PPM1L: variants seen among roughly 807,000 people sequenced by gnomAD.
The protein encoded by PPM1L is protein phosphatase, Mg2+/Mn2+ dependent 1L.
Under a neutral mutation model 31.4 loss-of-function variants are expected in PPM1L, and 13 were observed. The ratio of observed to expected loss-of-function variants is 0.41; its 90% CI spans 0.27 to 0.66. The LOEUF is 0.66. Among genes scored for constraint, PPM1L ranks in the 30% least tolerant of loss-of-function variants. The pLI, the probability that PPM1L is intolerant of heterozygous loss-of-function variation, is 0.29. For synonymous variants in PPM1L, 184 were observed against 175.4 expected, an observed-to-expected ratio of 1.05 and a Z score of -0.39; for missense variants, 326 against 453.7, an observed-to-expected ratio of 0.72 and a Z score of 2.56.
At chr3:160,790,119 G>A (rs752410868) in intron 1 of PPM1L, among the ~76,000 whole-genome samples, 1 of 151,894 alleles carries the variant, frequency 6.6e-6, no homozygotes, top group African/African-American at 2.4e-5. Context: ...AAATATTTTT[G>A]ATCCATGATT....
chr3:161,069,440 T>G lies in PPM1L; in HGVS notation c.*283T>G. ...TGTAGAGTCACATATATGAAGTGAA[T>G]AGCATATGTGTCATTTAGTCTCCCT... On this transcript the variant is annotated 3_prime_UTR_variant, in exon 4 of 4. Coordinates refer to ENST00000498165, the MANE Select transcript of PPM1L (RefSeq NM_139245.4). 1.8e-4 allele frequency: 67 copies of G among 378,834 alleles called. No homozygotes were observed. Among genetic ancestry groups the G allele is most frequent in the Middle Eastern group, 7.7e-4 (1 of 1,304 alleles). 23.5% of individuals were successfully genotyped at this position (378,834 alleles called of 1,614,324 possible).
intron 1 of PPM1L, among the ~76,000 whole-genome samples, chr3:160,821,938 C>A (rs146289852): frequency 2.6e-5 from 4 of 151,812 alleles, no homozygotes; most frequent in African/African-American, 9.7e-5. Flanking sequence ...TATATAATTT[C>A]GTTTAATTAT....
intron 1 of PPM1L, among the ~76,000 whole-genome samples, chr3:160,841,208 C>A (rs1377650871): frequency 6.6e-6 from 1 of 151,830 alleles, no homozygotes; most frequent in East Asian, 1.9e-4. Flanking sequence ...CTCCTGATAG[C>A]TTACTTCTTA....
intron 1 of PPM1L, among the ~76,000 whole-genome samples, chr3:160,793,590 T>C (rs1259984399): frequency 6.6e-6 from 1 of 152,184 alleles, no homozygotes; most frequent in East Asian, 1.9e-4. Context: ...TAAAATAAGC[T>C]CAGTAAAGTG....
intron 1 of PPM1L, among the ~76,000 whole-genome samples, chr3:160,870,965 A>T (rs1368736776): frequency 2.0e-5 from 3 of 152,168 alleles, no homozygotes; most frequent in South Asian, 4.1e-4. Flanking sequence ...TATTGAGCAC[A>T]TCTCTGTAAT....
chr3:160,834,616 T>A (rs1265749231), intron 1 of PPM1L, among the ~76,000 whole-genome samples: 1 of 152,074 alleles, frequency 6.6e-6, no homozygotes, highest in Non-Finnish European at 1.5e-5. Context: ...TCCATCTATA[T>A]AGTTTTGTCA....
At chr3:161,004,962 T>C (rs918233699) in intron 2 of PPM1L, among the ~76,000 whole-genome samples, 4 of 152,236 alleles carry the variant, frequency 2.6e-5, no homozygotes, top group Non-Finnish European at 5.9e-5. Flanking sequence ...TTTCCTGCTT[T>C]CTGTTGTGGG....
At chr3:160,948,969 G>C (rs964944440) in intron 1 of PPM1L, among the ~76,000 whole-genome samples, 6 of 152,082 alleles carry the variant, frequency 3.9e-5, no homozygotes, top group Admixed American at 2.0e-4. Flanking sequence ...TAGTGAGCCT[G>C]TTAAAATACG....
intron 1 of PPM1L, among the ~76,000 whole-genome samples, chr3:160,910,868 T>C (rs535200407): frequency 6.6e-6 from 1 of 152,332 alleles, no homozygotes; most frequent in Admixed American, 6.5e-5. Flanking sequence ...CAAGATGATA[T>C]GCACCATGGT....
chr3:160,995,267 T>C (rs941455274), intron 2 of PPM1L, among the ~76,000 whole-genome samples: 5 of 152,220 alleles, frequency 3.3e-5, no homozygotes, highest in Middle Eastern at 3.4e-3. Context: ...GCTATGAAGA[T>C]TAGCAAAGAA....
At chr3:160,968,298 A>G (rs941845604) in intron 2 of PPM1L, among the ~76,000 whole-genome samples, 21 of 152,216 alleles carry the variant, frequency 1.4e-4, no homozygotes, top group Non-Finnish European at 2.9e-4. Flanking sequence ...TGATCTATTA[A>G]TGTTTTTATT....
intron 1 of PPM1L, among the ~76,000 whole-genome samples, chr3:160,881,035 G>C (rs1712693535): frequency 6.6e-6 from 1 of 152,186 alleles, no homozygotes; most frequent in Non-Finnish European, 1.5e-5. Flanking sequence ...TTGTATGTGT[G>C]ATTCTTGATA....
At chr3:160,782,379 G>A (rs1377751761) in intron 1 of PPM1L, among the ~76,000 whole-genome samples, 2 of 152,148 alleles carry the variant, frequency 1.3e-5, no homozygotes, top group Non-Finnish European at 2.9e-5. Flanking sequence ...ATGACAGTGT[G>A]TTACTCACAA....
At chr3:160,928,470 G>A (rs1413167231) in intron 1 of PPM1L, among the ~76,000 whole-genome samples, 1 of 152,162 alleles carries the variant, frequency 6.6e-6, no homozygotes, top group Admixed American at 6.5e-5. Context: ...CTCTAGTATG[G>A]TATTGCTGTA....
At chr3:160,792,002 C>T (rs1712121853) in intron 1 of PPM1L, among the ~76,000 whole-genome samples, 1 of 152,094 alleles carries the variant, frequency 6.6e-6, no homozygotes, top group Non-Finnish European at 1.5e-5. Context: ...GAGTTTTTCA[C>T]ATGCCTAAGG....
intron 1 of PPM1L, among the ~76,000 whole-genome samples, chr3:160,892,084 A>G (rs1286377807): frequency 6.6e-6 from 1 of 152,204 alleles, no homozygotes; most frequent in Non-Finnish European, 1.5e-5. Context: ...ACCACGTCAC[A>G]TGTATACCTA....
Position 160,875,496 on chromosome 3 carries a change from A to G in PPM1L, c.400-86240A>G, listed in dbSNP as rs759121604. On this transcript the variant is annotated intron_variant, in intron 1 of 3. Transcript: ENST00000498165. ...TCATTCCTTCTATTAGGATCCTAAC[A>G]CATCTTTTGGGAAGCAGGATGAAAA... 3.3e-5 allele frequency among the ~76,000 whole-genome samples: 5 copies of G among 152,198 alleles called. No individual in the cohort carries two copies. The East Asian group carries it at 9.6e-4, about 29-fold the overall frequency.
intron 2 of PPM1L, among the ~76,000 whole-genome samples, chr3:161,025,752 C>T (rs1718367190): frequency 6.6e-6 from 1 of 152,070 alleles, no homozygotes; most frequent in South Asian, 2.1e-4. Flanking sequence ...ATTACCCAGT[C>T]ACTGGTATTT....
In PPM1L at chr3:160,895,792, G is replaced by T. The variant is rs113999559; in HGVS notation, c.400-65944G>T. On this transcript the variant is annotated intron_variant, in intron 1 of 3. Coordinates refer to ENST00000498165, the MANE Select transcript of PPM1L (RefSeq NM_139245.4). ...GAAAATGTTTTATAAATTGAAAAAT[G>T]CAGTCTAAAGTGGTCTAATATTGTT... 4.1e-3 allele frequency among the ~76,000 whole-genome samples: 620 copies of T among 152,288 alleles called. 4 individuals are homozygous for T. Among genetic ancestry groups the T allele is most frequent in the African/African-American group, 0.014 (595 of 41,566 alleles).
Sources: gnomAD v4.1 joint callset for allele counts (sites outside exome capture counted in the v4.1 genomes callset) on GRCh38, gnomAD v4.1.1 for gene constraint, MANE v1.5 for transcripts, NCBI Gene and HGNC (gene_info 2026-07-23, HGNC 2026-07-21) for gene names.